SYNE2: variants seen among roughly 807,000 people sequenced by gnomAD.
The protein encoded by SYNE2 is nesprin-2.
In SYNE2, 431 loss-of-function variants were observed where a neutral mutation model predicts 856.3. That is an observed-to-expected ratio of 0.50 (90% CI 0.47 to 0.55). SYNE2 has a LOEUF of 0.55. SYNE2 is among the 20% of genes least tolerant of loss of function. The pLI is 0.00. For synonymous variants in SYNE2, 2,923 were observed against 2,872.3 expected, an observed-to-expected ratio of 1.02 and a Z score of -0.56; for missense variants, 8,129 against 8,023.2, an observed-to-expected ratio of 1.01 and a Z score of -0.50.
chr14:63,866,858 G>GT (rs1207755997), intron 1 of SYNE2, among the ~76,000 whole-genome samples: 1 of 152,138 alleles, frequency 6.6e-6, no homozygotes, highest in Non-Finnish European at 1.5e-5. Context: ...TGTAGTTCCA[G>GT]CTCCTCAGGA....
chr14:63,996,989 C>T lies in SYNE2; in HGVS notation c.2983C>T (p.His995Tyr). The T allele has an allele frequency of 6.2e-7, 1 of 1,614,080 alleles. No individual in the cohort carries two copies. The highest frequency in any genetic ancestry group is 8.5e-7 in the Non-Finnish European group (1 of 1,180,016). Residue 995 changes from histidine (H) to tyrosine (Y), a missense_variant, in exon 24 of 116, where the codon CAC becomes TAC. By Grantham distance (83) the His-to-Tyr change is moderately conservative. Transcript: ENST00000555002. ...AGGCTGCCTGTACCAGCTTAATCAC[C>T]ACATGGAAGTCCTGAGGGAGCTGTG... is the stretch of plus-strand genomic sequence containing the variant. ...EEGCLYQLNH[H>Y]MEVLRELCEE... is the part of the protein sequence containing the mutation.
At chr14:64,016,428 G>T (rs765893516) in intron 32 of SYNE2, 45 bp from the exon 33 acceptor site, 5 of 1,312,488 alleles carry the variant, frequency 3.8e-6, no homozygotes, top group Non-Finnish European at 5.3e-6. Context: ...TTAGCTGTTT[G>T]TCTATATCAA....
intron 108 of SYNE2, 150 bp from the exon 109 acceptor site, chr14:64,218,248 A>G (rs1175535542): frequency 1.4e-6 from 1 of 723,582 alleles, no homozygotes; most frequent in Non-Finnish European, 2.4e-6. Flanking sequence ...TGCTACCTAG[A>G]CACTAAAGCA....
At chr14:63,771,360 G>A (rs1392533323) in intron 1 of SYNE2, among the ~76,000 whole-genome samples, 1 of 151,950 alleles carries the variant, frequency 6.6e-6, no homozygotes, top group Non-Finnish European at 1.5e-5. Context: ...GTGAGCCACC[G>A]CGCCCGGCCC....
At chr14:64,141,271 C>A in intron 80 of SYNE2, 70 bp from the exon 81 acceptor site, 1 of 1,261,962 alleles carries the variant, frequency 7.9e-7, no homozygotes, top group Non-Finnish European at 1.1e-6. Context: ...TGACTCTAGC[C>A]AGTTATTCCG....
At chr14:63,887,217 G>T (rs1365085894) in intron 1 of SYNE2, among the ~76,000 whole-genome samples, 1 of 151,904 alleles carries the variant, frequency 6.6e-6, no homozygotes, top group African/African-American at 2.4e-5. Flanking sequence ...GGAGGCGGAG[G>T]TTGCAGTGAG....
intron 2 of SYNE2, among the ~76,000 whole-genome samples, chr14:63,939,734 T>C (rs1273486747): frequency 6.6e-6 from 1 of 152,258 alleles, no homozygotes; most frequent in African/African-American, 2.4e-5. Context: ...TAGATTCTTA[T>C]AATAATCTCT....
intron 6 of SYNE2, among the ~76,000 whole-genome samples, chr14:63,948,774 G>GTGTATATATA (rs1566884053): frequency 0.015 from 578 of 39,678 alleles, 25 homozygotes; most frequent in Middle Eastern, 0.06. Flanking sequence ...ATATATGTAT[G>GTGTATATATA]TGTGTGTGTA....
At chr14:63,885,542 T>G (rs2094962810) in intron 1 of SYNE2, among the ~76,000 whole-genome samples, 1 of 152,226 alleles carries the variant, frequency 6.6e-6, no homozygotes, top group African/African-American at 2.4e-5. Flanking sequence ...AGAAGAACAT[T>G]AATTCTGGAC....
rs201043342 is a variant in SYNE2 at position 63,909,503 on chromosome 14, C to T, written c.79+276C>T. 6.6e-5 allele frequency among the ~76,000 whole-genome samples: 10 copies of T among 152,128 alleles called. No homozygotes were observed. The East Asian group carries it at 1.4e-3, about 21-fold the overall frequency. On this transcript the variant is annotated intron_variant, in intron 2 of 115. Transcript: ENST00000555002. ...AAATTAAATAGTAAACTGTAGTTTG[C>T]TTGGCATTGTTTTTACTTCTTATCT... is the stretch of plus-strand genomic sequence containing the variant.
At chr14:64,042,322 T>C (rs2097155141) in intron 45 of SYNE2, among the ~76,000 whole-genome samples, 1 of 152,248 alleles carries the variant, frequency 6.6e-6, no homozygotes, top group Admixed American at 6.5e-5. Context: ...AAAGTGTGTG[T>C]ATAGACTTTA....
chr14:64,221,769 C>G, intron 112 of SYNE2, 65 bp downstream of exon 112: 1 of 1,571,494 alleles, frequency 6.4e-7, no homozygotes, highest in Non-Finnish European at 8.7e-7. Flanking sequence ...AGGCAGCACA[C>G]TCAGGTAGCC....
At chr14:64,195,996 T>C (rs2098539028) in intron 99 of SYNE2, among the ~76,000 whole-genome samples, 1 of 151,948 alleles carries the variant, frequency 6.6e-6, no homozygotes, top group Non-Finnish European at 1.5e-5. Context: ...GTTGGGGAGC[T>C]CCCCAAAGGA....
At chr14:63,850,184 C>T (rs780623429), upstream of SYNE2, among the ~76,000 whole-genome samples, 1 of 147,536 alleles carries the variant, frequency 6.8e-6, no homozygotes, top group African/African-American at 2.5e-5. Context: ...TGGGTTCAAG[C>T]GATTCTCCTG....
intron 32 of SYNE2, among the ~76,000 whole-genome samples, chr14:64,010,856 C>T (rs2096838886): frequency 6.6e-6 from 1 of 152,120 alleles, no homozygotes; most frequent in Admixed American, 6.6e-5. Flanking sequence ...CCAGGCTGGT[C>T]TCAAACTCCT....
chr14:63,940,793 G>T lies in SYNE2; in HGVS notation c.141+118G>T, dbSNP rs113133583. 1,223 of 856,618 alleles carry T rather than the reference G, an allele frequency of 1.4e-3. 4 individuals are homozygous for T. In the African/African-American group the frequency reaches 0.018, roughly 13 times the overall value. The allele number at this position is 856,618 out of a possible 1,614,324, so 53.1% of individuals were successfully genotyped here. A position where few individuals can be genotyped will look rare whatever the true frequency, so the allele number is the denominator to read the frequency against. On this transcript the variant is annotated intron_variant, in intron 3 of 115. Transcript: ENST00000555002. ...TACTGGTGATGACAGGGAAAAGGTT[G>T]TGGAATGTCTTTTCTTGAAAGAATG... is the stretch of plus-strand genomic sequence containing the variant.
intron 36 of SYNE2, 146 bp from the exon 37 acceptor site, chr14:64,021,711 G>T (rs904857896): frequency 2.0e-6 from 2 of 1,016,096 alleles, no homozygotes; most frequent in African/African-American, 3.2e-5. Context: ...AACTTGCATT[G>T]TATCATACAT....
intron 85 of SYNE2, among the ~76,000 whole-genome samples, chr14:64,154,587 G>C (rs1372255950): frequency 6.6e-6 from 1 of 151,836 alleles, no homozygotes; most frequent in African/African-American, 2.4e-5. Context: ...GAATTCAGCA[G>C]TTTAAGACCA....
chr14:64,163,495 C>G lies in SYNE2; in HGVS notation c.16393C>G (p.His5465Asp). Residue 5465 changes from histidine to aspartate, a missense_variant, in exon 89 of 116, where the codon CAC (histidine) becomes GAC (aspartate). By Grantham distance (81) the His-to-Asp change is moderately conservative (BLOSUM62 -1). Around this residue, in one of 3 missense-constraint regions of SYNE2, gnomAD observed 5,410 missense variants for 5,284.8 expected, o/e 1.02. Coordinates refer to ENST00000555002, the MANE Select transcript of SYNE2 (RefSeq NM_182914.3). ...RLPQPAESST[H>D]MLLPGPLHSL... ...CCCACAACCCGCAGAGTCCAGCACCCACATGCTCCTCCCGGGCCCCCTGCA... is the reference window on the plus strand; with the variant it reads ...CCCACAACCCGCAGAGTCCAGCACCGACATGCTCCTCCCGGGCCCCCTGCA... 6.2e-7 allele frequency: 1 copy of G among 1,614,154 alleles called. No homozygotes were observed. The highest frequency in any genetic ancestry group is 8.5e-7 in the Non-Finnish European group (1 of 1,180,020).
Sources: gnomAD v4.1 joint callset for allele counts (sites outside exome capture counted in the v4.1 genomes callset) on GRCh38, gnomAD v4.1.1 for gene constraint, gnomAD v4.1.1 regional missense constraint, MANE v1.5 for transcripts, NCBI Gene and HGNC (gene_info 2026-07-23, HGNC 2026-07-21) for gene names.